Variants in MED12L observed in about 807,000 individuals in gnomAD.
MED12L encodes the protein mediator of RNA polymerase II transcription subunit 12-like protein.
MED12L carries 60 observed loss-of-function variants against 281.3 expected under a neutral mutation model. That is an observed-to-expected ratio of 0.21 (90% confidence interval 0.17 to 0.26). MED12L has a LOEUF of 0.26. Ranked by LOEUF, MED12L falls within the 10% of genes least tolerant of loss-of-function variation. The pLI is 1.00. For synonymous variants in MED12L, 974 were observed against 987.2 expected, an observed-to-expected ratio of 0.99 and a Z score of 0.25; for missense variants, 2,146 against 2,680.9, an observed-to-expected ratio of 0.80 and a Z score of 4.41.
At chr3:151,432,683 A>C in intron 44 of MED12L, 69 bp from the exon 45 acceptor site, 1 of 1,142,066 alleles carries the variant, frequency 8.8e-7, no homozygotes, top group Non-Finnish European at 1.3e-6. Flanking sequence ...AGCAGTGACA[A>C]GAGGGTAGCA....
chr3:151,352,756 C>T (rs1354272510), intron 17 of MED12L, among the ~76,000 whole-genome samples: 1 of 152,066 alleles, frequency 6.6e-6, no homozygotes, highest in Non-Finnish European at 1.5e-5. Flanking sequence ...TTTGCCTTGA[C>T]CAGTTATCTT....
intron 3 of MED12L, among the ~76,000 whole-genome samples, chr3:151,121,317 G>C (rs538513969): frequency 6.6e-6 from 1 of 152,236 alleles, no homozygotes; most frequent in African/African-American, 2.4e-5. Context: ...ATAAAAAAAA[G>C]ACGGACTCCT....
chr3:151,240,253 T>C (rs147620194), intron 16 of MED12L, among the ~76,000 whole-genome samples: 38 of 152,350 alleles, frequency 2.5e-4, no homozygotes, highest in Middle Eastern at 3.4e-3. Flanking sequence ...GCCCAGTTTT[T>C]TGTGGGAATG....
intron 16 of MED12L, among the ~76,000 whole-genome samples, chr3:151,265,903 G>C (rs1440196041): frequency 6.6e-6 from 1 of 152,156 alleles, no homozygotes; most frequent in Non-Finnish European, 1.5e-5. Flanking sequence ...GCAGAGTCTT[G>C]CGGCCCTGAG....
At chr3:151,215,063 G>A (rs1317305389) in intron 16 of MED12L, among the ~76,000 whole-genome samples, 1 of 151,232 alleles carries the variant, frequency 6.6e-6, no homozygotes, top group Non-Finnish European at 1.5e-5. Flanking sequence ...ACATTCAAAT[G>A]TTAACCGGTA....
chr3:151,192,654 A>G lies in MED12L; in HGVS notation c.2073A>G (p.Pro691=), dbSNP rs1211001165. ...AAACTGACTTTGGTTCGGAATTTCCAGTAGGTTCAATCTTTGATTCTTATT... is the reference window on the plus strand; with the variant it reads ...AAACTGACTTTGGTTCGGAATTTCCGGTAGGTTCAATCTTTGATTCTTATT... ...DFKTDFGSEF[P]IFSPMPGESC... The change falls in exon 15 of 45, where the codon CCA becomes CCG. Residue 691 remains proline, a splice_region_variant and synonymous_variant. Transcript: ENST00000687756. 6.6e-7 allele frequency: 1 copy of G among 1,512,808 alleles called. No individual in the cohort carries two copies. The highest frequency in any genetic ancestry group is 8.9e-7 in the Non-Finnish European group (1 of 1,125,248). 93.7% of individuals were successfully genotyped at this position (1,512,808 alleles called of 1,614,324 possible). A position where few individuals can be genotyped will look rare whatever the true frequency, so the allele number is the denominator to read the frequency against.
chr3:151,120,448 C>T (rs1422724840), intron 3 of MED12L, among the ~76,000 whole-genome samples: 4 of 152,024 alleles, frequency 2.6e-5, no homozygotes, highest in Non-Finnish European at 4.4e-5. Flanking sequence ...TAGTGTGATT[C>T]GTAATAGCAA....
At chr3:151,182,239 A>G (rs964912568) in intron 11 of MED12L, among the ~76,000 whole-genome samples, 1 of 152,028 alleles carries the variant, frequency 6.6e-6, no homozygotes, top group African/African-American at 2.4e-5. Context: ...ATTCGTTCAG[A>G]CTGCTGTTGG....
At chr3:151,336,717 A>C (rs1751041611) in intron 16 of MED12L, 2 of 341,406 alleles carry the variant, frequency 5.9e-6, no homozygotes, top group South Asian at 2.3e-5. Flanking sequence ...CATCTTCAGA[A>C]GAGACTTTGC....
At chr3:151,299,983 A>C (rs1745678733) in intron 16 of MED12L, 1 of 958,032 alleles carries the variant, frequency 1.0e-6, no homozygotes, top group Admixed American at 1.7e-5. Context: ...TTCTCTGACC[A>C]TTAAACTCCC....
chr3:151,269,665 A>G (rs1014377530), intron 16 of MED12L: 36 of 407,066 alleles, frequency 8.8e-5, no homozygotes, highest in Non-Finnish European at 9.0e-5. Context: ...CAGAATTTGG[A>G]GGTATTAAAT....
intron 42 of MED12L, among the ~76,000 whole-genome samples, chr3:151,415,453 C>T (rs1391510869): frequency 6.6e-6 from 1 of 152,216 alleles, no homozygotes; most frequent in African/African-American, 2.4e-5. Context: ...GCTACCCAGA[C>T]CTCTGCTAGG....
intron 16 of MED12L, among the ~76,000 whole-genome samples, chr3:151,216,035 G>A (rs1240043623): frequency 6.6e-6 from 1 of 152,176 alleles, no homozygotes; most frequent in Non-Finnish European, 1.5e-5. Context: ...GGGGTGGGTT[G>A]AGTGTGTGCT....
At chr3:151,248,227 A>T (rs1736128555) in intron 16 of MED12L, among the ~76,000 whole-genome samples, 2 of 152,222 alleles carry the variant, frequency 1.3e-5, no homozygotes, top group East Asian at 3.9e-4. Flanking sequence ...TAAGACACTA[A>T]TAAAAAATAA....
At chr3:151,408,799 G>A (rs922169541) in intron 39 of MED12L, among the ~76,000 whole-genome samples, 1 of 152,166 alleles carries the variant, frequency 6.6e-6, no homozygotes, top group African/African-American at 2.4e-5. Flanking sequence ...GCAATTAGTA[G>A]GTCACTGTGA....
chr3:151,152,544 TA>T (rs532511564), intron 5 of MED12L, among the ~76,000 whole-genome samples: 6 of 152,206 alleles, frequency 3.9e-5, no homozygotes, highest in Non-Finnish European at 8.8e-5. Context: ...AGGTGCTGTC[TA>T]TTGATACTCA....
chr3:151,241,161 T>C (rs1733996404), intron 16 of MED12L, among the ~76,000 whole-genome samples: 1 of 152,228 alleles, frequency 6.6e-6, no homozygotes, highest in Non-Finnish European at 1.5e-5. Context: ...TTAGTGGTTT[T>C]CTCCTTGCCC....
intron 23 of MED12L, among the ~76,000 whole-genome samples, 199 bp from the exon 24 acceptor site, chr3:151,367,447 T>G (rs760987908): frequency 2.6e-5 from 4 of 152,254 alleles, no homozygotes; most frequent in Non-Finnish European, 5.9e-5. Context: ...CATTGGAATG[T>G]GGGTAAACCT....
At chr3:151,385,226 AT>A in intron 36 of MED12L, 35 bp downstream of exon 36, 1 of 1,045,878 alleles carries the variant, frequency 9.6e-7, no homozygotes, top group Non-Finnish European at 1.4e-6. Flanking sequence ...ATATAAATTT[AT>A]TTACAAAAGA....
Sources: gnomAD v4.1 joint callset for allele counts (sites outside exome capture counted in the v4.1 genomes callset) on GRCh38, gnomAD v4.1.1 for gene constraint, MANE v1.5 for transcripts, NCBI Gene and HGNC (gene_info 2026-07-23, HGNC 2026-07-21) for gene names.